Variants in REM2 observed in about 807,000 individuals in gnomAD.
The protein encoded by REM2 is GTP-binding protein REM 2.
A neutral mutation model predicts 24.4 loss-of-function variants in REM2; 24 were observed. That is an observed-to-expected ratio of 0.98 (90% CI 0.71 to 1.38). The LOEUF is 1.38. REM2 is among the 40% of genes most tolerant of loss of function. The probability of loss-of-function intolerance (pLI) is 0.00; values close to 1 mark genes in which losing one functional copy is unlikely to be tolerated. For missense variants in REM2, 429 were observed against 467.8 expected (o/e 0.92, Z 0.77); for synonymous variants, 187 against 198.0 (o/e 0.94, Z 0.47).
Position 22,886,597 on chromosome 14 carries a change from C to T in REM2, c.728-17C>T, listed in dbSNP as rs1334960897. The T allele has an allele frequency of 4.1e-6, 6 of 1,446,410 alleles. No homozygotes were observed. Among genetic ancestry groups the T allele is most frequent in the Non-Finnish European group, 1.8e-6 (2 of 1,099,244 alleles). 89.6% of individuals were successfully genotyped at this position (1,446,410 alleles called of 1,614,324 possible). ...CCGTACAGCCCAGCGGGCGCCTGAG[C>T]CGGTGCCTTCCTGCAGAGGGCCGCC... On this transcript the variant is annotated splice_polypyrimidine_tract_variant and intron_variant, in intron 4 of 4. Transcript: ENST00000267396. This position sits in a 1 kb window ranked among gnomAD's most constrained non-coding sequence, Gnocchi z 5.9.
rs1555331615 is a variant in REM2 at position 22,883,277 on chromosome 14, C to T, written c.-11C>T. 1 of 1,363,094 alleles carries T rather than the reference C, an allele frequency of 7.3e-7. No individual in the cohort carries two copies. The highest frequency in any genetic ancestry group is 1.0e-6 in the Non-Finnish European group (1 of 973,292). 84.4% of individuals were successfully genotyped at this position (1,363,094 alleles called of 1,614,324 possible). On this transcript the variant is annotated 5_prime_UTR_variant, in exon 1 of 5. Coordinates refer to ENST00000267396, the MANE Select transcript of REM2 (RefSeq NM_173527.3). ...GGCTGCACACGCACACGCACACGCA[C>T]ACGCACACTGATGCACACGGACCTG...
Position 22,886,714 on chromosome 14 carries a change from GAT to G in REM2, c.829_830del (p.Ile277ProfsTer100). The G allele has an allele frequency of 6.6e-7, 1 of 1,514,670 alleles. No homozygotes were observed. The highest frequency in any genetic ancestry group is 8.8e-7 in the Non-Finnish European group (1 of 1,132,528). 93.8% of individuals were successfully genotyped at this position (1,514,670 alleles called of 1,614,324 possible). A position where few individuals can be genotyped will look rare whatever the true frequency, so the allele number is the denominator to read the frequency against. On this transcript the variant is annotated frameshift_variant, in exon 5 of 5. Transcript: ENST00000267396. LOFTEE classifies it low-confidence loss of function (END_TRUNC). The surrounding 1 kb of genome is among the most constrained non-coding windows in gnomAD (Gnocchi z 5.9). ...RELFEGAVRQ[I>X]RLRRGRNHAG... ...AGCTCTTCGAGGGCGCGGTGCGCCA[GAT>G]CCGGCTGCGGCGGGGCCGAAACCAC...
At chr14:22,884,176 T>C (rs2040097833) in intron 1 of REM2, 3 of 985,226 alleles carry the variant, frequency 3.0e-6, no homozygotes, top group East Asian at 1.1e-4. Flanking sequence ...AGTTTTTTAC[T>C]CTGCTATACC....
In REM2 at chr14:22,886,129, A is replaced by T; in HGVS notation, c.625A>T (p.Thr209Ser). Residue 209 changes from threonine to serine, a missense_variant, in exon 4 of 5, where the codon ACC becomes TCC. Physicochemically the swap from Thr to Ser is moderately conservative, Grantham distance 58. Coordinates refer to ENST00000267396, the MANE Select transcript of REM2 (RefSeq NM_173527.3). This position sits in a 1 kb window ranked among gnomAD's most constrained non-coding sequence, Gnocchi z 5.9. ...DRRSFSKVPE[T>S]LLRLRAGRPH... ...ACGGAGTTTCTCCAAAGTTCCAGAGACCCTACTTCGGCTCCGGGCTGGGAG... is the reference window on the plus strand; with the variant it reads ...ACGGAGTTTCTCCAAAGTTCCAGAGTCCCTACTTCGGCTCCGGGCTGGGAG... 2 of 1,613,646 alleles carry T rather than the reference A, an allele frequency of 1.2e-6. No individual in the cohort carries two copies. Among genetic ancestry groups the T allele is most frequent in the Non-Finnish European group, 8.5e-7 (1 of 1,179,808 alleles).
chr14:22,884,269 A>C (rs2138805638), intron 1 of REM2: 1 of 985,426 alleles, frequency 1.0e-6, no homozygotes, highest in East Asian at 1.1e-4. Flanking sequence ...TGGAAACAGG[A>C]GGAGGAAGGG....
At position 22,886,978 on chromosome 14, in the gene REM2, C is replaced by T. The variant is rs1294767044; in HGVS notation, c.*69C>T. The T allele has an allele frequency of 3.9e-6, 5 of 1,278,042 alleles. No homozygotes were observed. The East Asian group carries it at 1.5e-4, about 39-fold the overall frequency. The allele number at this position is 1,278,042 out of a possible 1,614,324, so 79.2% of individuals were successfully genotyped here. A position where few individuals can be genotyped will look rare whatever the true frequency, so the allele number is the denominator to read the frequency against. The stretch of plus-strand genomic sequence containing the variant: ...CCTCCGCTCGCCCCCCCTCGCCCCG[C>T]CCCGCCCCCGTCCGGCTTCCTTGGT... On this transcript the variant is annotated 3_prime_UTR_variant, in exon 5 of 5. Coordinates refer to ENST00000267396, the MANE Select transcript of REM2 (RefSeq NM_173527.3). This position sits in a 1 kb window ranked among gnomAD's most constrained non-coding sequence, Gnocchi z 5.9.
At chr14:22,884,535 C>T (rs1392911046) in intron 1 of REM2, 139 bp from the exon 2 acceptor site, 10 of 1,435,000 alleles carry the variant, frequency 7.0e-6, no homozygotes, top group Non-Finnish European at 8.2e-6. Context: ...CAGACATTCT[C>T]AGTTCCTTCT....
rs987935209 is a variant in REM2 at position 22,884,091 on chromosome 14, G to C, written c.104-583G>C. 1.1e-5 allele frequency: 11 copies of C among 984,960 alleles called. No individual in the cohort carries two copies. In the South Asian group the frequency reaches 3.3e-4, roughly 29 times the overall value. The allele number at this position is 984,960 out of a possible 1,614,324, so 61.0% of individuals were successfully genotyped here. A position where few individuals can be genotyped will look rare whatever the true frequency, so the allele number is the denominator to read the frequency against. On this transcript the variant is annotated intron_variant, in intron 1 of 4. Coordinates refer to ENST00000267396, the MANE Select transcript of REM2 (RefSeq NM_173527.3). ...TCTCTCTCTCTCACACACACACACA[G>C]AGAACCCACAGAGACCCAGCACGCA...
intron 1 of REM2, 60 bp from the exon 2 acceptor site, chr14:22,884,614 A>C: frequency 6.5e-7 from 1 of 1,530,542 alleles, no homozygotes; most frequent in South Asian, 1.3e-5. Flanking sequence ...AGCCTTCTGC[A>C]TATGGTTGAG....
chr14:22,884,767 G>A lies in REM2; in HGVS notation c.197G>A (p.Arg66Lys), dbSNP rs1164509930. ...TCTGCCCCTGGGGCCCCCAGACGAA[G>A]AGGCAGTATGCCTGTCCCCTACAAG... The part of the protein sequence containing the change: ...LPSAPGAPRR[R>K]GSMPVPYKHQ... Residue 66 changes from arginine to lysine, a missense_variant, in exon 2 of 5, where the codon AGA becomes AAA. Transcript: ENST00000267396. 6.2e-7 allele frequency: 1 copy of A among 1,614,032 alleles called. No individual in the cohort carries two copies. Among genetic ancestry groups the A allele is most frequent in the Non-Finnish European group, 8.5e-7 (1 of 1,179,888 alleles).
In REM2 at chr14:22,886,745, G is replaced by A. The variant is rs2040133919; in HGVS notation, c.859G>A (p.Gly287Arg). 1.3e-6 allele frequency: 2 copies of A among 1,534,258 alleles called. No homozygotes were observed. The highest frequency in any genetic ancestry group is 1.4e-5 in the African/African-American group (1 of 71,782). ...GCTGCGGCGGGGCCGAAACCACGCC[G>A]GAGGCCAGAGGCCCGATCCGGGCAG... ...IRLRRGRNHA[G>R]GQRPDPGSPE... The change falls in exon 5 of 5, where the codon GGA becomes AGA. Residue 287 changes from glycine to arginine, a missense_variant. Transcript: ENST00000267396. This position sits in a 1 kb window ranked among gnomAD's most constrained non-coding sequence, Gnocchi z 5.9.
Position 22,885,339 on chromosome 14 carries a change from G to A in REM2, c.519G>A (p.Gln173=). ...VTLVVYDIWE[Q]GDAGGWLRDH... ...TAGTCGTTTATGACATCTGGGAACA[G>A]GTGAGAACTAAGATGTGGCTGCAGG... The change falls in exon 3 of 5, where the codon CAG becomes CAA. Residue 173 remains glutamine, a splice_region_variant and synonymous_variant. Transcript: ENST00000267396. The A allele has an allele frequency of 6.2e-7, 1 of 1,610,574 alleles. No homozygotes were observed. The highest frequency in any genetic ancestry group is 8.5e-7 in the Non-Finnish European group (1 of 1,176,774).
chr14:22,886,253 C>T lies in REM2; in HGVS notation c.727+22C>T. 6.3e-7 allele frequency: 1 copy of T among 1,589,230 alleles called. No homozygotes were observed. Among genetic ancestry groups the T allele is most frequent in the Non-Finnish European group, 8.6e-7 (1 of 1,164,464 alleles). ...GAGGGTGTGTATCCTGAACAGATTC[C>T]ATACTTGCGATCTCAGGGGAATGCT... On this transcript the variant is annotated intron_variant, in intron 4 of 4. Transcript: ENST00000267396. The surrounding 1 kb of genome is among the most constrained non-coding windows in gnomAD (Gnocchi z 5.9).
rs1234939540 is a variant in REM2, at chr14:22,886,239, T to C, written c.727+8T>C. 6.2e-7 allele frequency: 1 copy of C among 1,605,126 alleles called. No homozygotes were observed. The highest frequency in any genetic ancestry group is 8.5e-7 in the Non-Finnish European group (1 of 1,175,026). ...GGGAGGTATCACTGGAGGGTGTGTA[T>C]CCTGAACAGATTCCATACTTGCGAT... On this transcript the variant is annotated splice_region_variant and intron_variant, in intron 4 of 4. Transcript: ENST00000267396. The surrounding 1 kb of genome is among the most constrained non-coding windows in gnomAD (Gnocchi z 5.9).
chr14:22,886,320 A>G lies in REM2; in HGVS notation c.727+89A>G. ...CTCTTCTCCCTAAGGCCTTTTTACC[A>G]TCGCGGACGCACTCACTTGCAATCA... is the stretch of plus-strand genomic sequence containing the variant. On this transcript the variant is annotated intron_variant, in intron 4 of 4. Coordinates refer to ENST00000267396, the MANE Select transcript of REM2 (RefSeq NM_173527.3). The surrounding 1 kb of genome is among the most constrained non-coding windows in gnomAD (Gnocchi z 5.9). 8.3e-7 allele frequency: 1 copy of G among 1,211,768 alleles called. No homozygotes were observed. The highest frequency in any genetic ancestry group is 1.2e-6 in the Non-Finnish European group (1 of 841,384). The allele number at this position is 1,211,768 out of a possible 1,614,324, so 75.1% of individuals were successfully genotyped here.
chr14:22,886,020 G>C lies in REM2; in HGVS notation c.520-4G>C. Reference sequence around the variant, plus strand: ...AGCCCTAACGTTCCTCTGCCTGTCTGCAGGGGGATGCAGGAGGGTGGCTGC... The same window carrying C: ...AGCCCTAACGTTCCTCTGCCTGTCTCCAGGGGGATGCAGGAGGGTGGCTGC... On this transcript the variant is annotated splice_region_variant and splice_polypyrimidine_tract_variant and intron_variant, in intron 3 of 4. Coordinates refer to ENST00000267396, the MANE Select transcript of REM2 (RefSeq NM_173527.3). The surrounding 1 kb of genome is among the most constrained non-coding windows in gnomAD (Gnocchi z 5.9). The C allele has an allele frequency of 6.2e-7, 1 of 1,613,184 alleles. No homozygotes were observed. The highest frequency in any genetic ancestry group is 8.5e-7 in the Non-Finnish European group (1 of 1,179,186).
chr14:22,884,830 A>C lies in REM2; in HGVS notation c.260A>C (p.Asp87Ala). 1.2e-6 allele frequency: 2 copies of C among 1,613,994 alleles called. No individual in the cohort carries two copies. The highest frequency in any genetic ancestry group is 1.7e-6 in the Non-Finnish European group (2 of 1,179,880). ...CGGGCCCAGGCTGTAGATGAACTTG[A>C]CTGGCCACCTCAGGCCTCATCCTCT... ...LRRAQAVDEL[D>A]WPPQASSSGS... The change falls in exon 2 of 5, where the codon GAC becomes GCC. Residue 87 changes from aspartate (D) to alanine (A), a missense_variant. Physicochemically the swap from Asp to Ala is moderately radical, Grantham distance 126. Coordinates refer to ENST00000267396, the MANE Select transcript of REM2 (RefSeq NM_173527.3).
chr14:22,886,015 T>C lies in REM2; in HGVS notation c.520-9T>C, dbSNP rs757464557. Reference sequence around the variant, plus strand: ...CCTCCAGCCCTAACGTTCCTCTGCCTGTCTGCAGGGGGATGCAGGAGGGTG... The same window carrying C: ...CCTCCAGCCCTAACGTTCCTCTGCCCGTCTGCAGGGGGATGCAGGAGGGTG... On this transcript the variant is annotated splice_polypyrimidine_tract_variant and intron_variant, in intron 3 of 4. Transcript: ENST00000267396. This position sits in a 1 kb window ranked among gnomAD's most constrained non-coding sequence, Gnocchi z 5.9. 97 of 1,611,594 alleles carry C rather than the reference T, an allele frequency of 6.0e-5. No homozygotes were observed. Among genetic ancestry groups the C allele is most frequent in the Non-Finnish European group, 8.2e-5 (96 of 1,177,846 alleles).
chr14:22,883,940 A>T, intron 1 of REM2: 1 of 804,380 alleles, frequency 1.2e-6, no homozygotes, highest in Non-Finnish European at 1.5e-6. Flanking sequence ...CTCTCTCTCT[A>T]CTTCTACTGC....
Sources: allele counts gnomAD v4.1 joint callset, GRCh38; gene constraint gnomAD v4.1.1; non-coding constraint Gnocchi (gnomAD v3.1); transcripts MANE v1.5; gene names NCBI Gene and HGNC (gene_info 2026-07-23, HGNC 2026-07-21).